The following PDCD7 variants were observed in gnomAD, a reference collection of about 807,000 sequenced individuals.
The protein encoded by PDCD7 is programmed cell death protein 7.
A neutral mutation model predicts 42.1 loss-of-function variants in PDCD7; 40 were observed. The observed-to-expected ratio is 0.95, with a 90% CI of 0.74 to 1.24. PDCD7 has a LOEUF of 1.24. Among genes scored for constraint, PDCD7 ranks in the 50% most tolerant of loss-of-function variants. The pLI, the probability that PDCD7 is intolerant of heterozygous loss-of-function variation, is 0.00. For synonymous variants in PDCD7, 299 were observed against 303.3 expected, an observed-to-expected ratio of 0.99 and a Z score of 0.15; for missense variants, 644 against 662.8, an observed-to-expected ratio of 0.97 and a Z score of 0.31.
chr15:65,125,101 C>A (rs2087485589), intron 2 of PDCD7, among the ~76,000 whole-genome samples: 1 of 152,186 alleles, frequency 6.6e-6, no homozygotes, highest in South Asian at 2.1e-4. Flanking sequence ...GACAGGAAAT[C>A]CCTCAAATAT....
intron 2 of PDCD7, among the ~76,000 whole-genome samples, chr15:65,120,253 G>A (rs1025118570): frequency 3.9e-5 from 6 of 152,036 alleles, no homozygotes; most frequent in East Asian, 3.9e-4. Flanking sequence ...TCCTGGGCCC[G>A]AGATCCTCCC....
Position 65,118,777 on chromosome 15 carries a change from T to A in PDCD7, c.1398A>T (p.Gly466=), listed in dbSNP as rs1486006857. ...DHPKGNFVPQ[G]WVLPPLPSND... is the part of the protein sequence containing the mutation. Reference sequence around the variant, plus strand: ...TGCTGGGGAGCGGGGGAAGGACCCATCCTTGGGGAACGAAGTTGCCTTTGG... The same window carrying A: ...TGCTGGGGAGCGGGGGAAGGACCCAACCTTGGGGAACGAAGTTGCCTTTGG... The change falls in exon 5 of 5, where the codon GGA becomes GGT. Residue 466 remains glycine, a synonymous_variant. Coordinates refer to ENST00000204549, the MANE Select transcript of PDCD7 (RefSeq NM_005707.2). 2.5e-6 allele frequency: 4 copies of A among 1,611,096 alleles called. No homozygotes were observed. Among genetic ancestry groups the A allele is most frequent in the African/African-American group, 1.3e-5 (1 of 74,766 alleles).
intron 2 of PDCD7, among the ~76,000 whole-genome samples, chr15:65,128,009 G>C (rs915691380): frequency 2.6e-5 from 4 of 152,200 alleles, no homozygotes; most frequent in Non-Finnish European, 1.5e-5. Flanking sequence ...CGCTCTGAAG[G>C]CTAGTATGCA....
chr15:65,133,745 C>A lies in PDCD7; in HGVS notation c.37G>T (p.Gly13Cys). The change falls in exon 1 of 5, where the codon GGC (glycine) becomes TGC (cysteine). Residue 13 changes from glycine to cysteine, a missense_variant. Coordinates refer to ENST00000204549, the MANE Select transcript of PDCD7 (RefSeq NM_005707.2). Reference protein sequence around the residue: ...LPPFFGQGRPGPPPPQPPPPA... With the variant: ...LPPFFGQGRPCPPPPQPPPPA... ...GGCGGCGGCTGCGGGGGCGGTGGGCCTGGGCGACCCTGGCCGAAGAATGGT... is the reference window on the plus strand; with the variant it reads ...GGCGGCGGCTGCGGGGGCGGTGGGCATGGGCGACCCTGGCCGAAGAATGGT... 1.5e-6 allele frequency: 2 copies of A among 1,321,628 alleles called. No homozygotes were observed. The highest frequency in any genetic ancestry group is 2.3e-5 in the South Asian group (1 of 43,058). The allele number at this position is 1,321,628 out of a possible 1,614,324, so 81.9% of individuals were successfully genotyped here. A position where few individuals can be genotyped will look rare whatever the true frequency, so the allele number is the denominator to read the frequency against.
At position 65,133,223 on chromosome 15, in the gene PDCD7, G is replaced by T. The variant is rs1185993719; in HGVS notation, c.559C>A (p.Arg187=). 1.4e-6 allele frequency: 2 copies of T among 1,379,874 alleles called. No homozygotes were observed. Among genetic ancestry groups the T allele is most frequent in the South Asian group, 3.4e-5 (2 of 59,582 alleles). 85.5% of individuals were successfully genotyped at this position (1,379,874 alleles called of 1,614,324 possible). A position where few individuals can be genotyped will look rare whatever the true frequency, so the allele number is the denominator to read the frequency against. Residue 187 remains arginine, a synonymous_variant, in exon 1 of 5, where the codon CGG becomes AGG. Transcript: ENST00000204549. The part of the protein sequence containing the change: ...RLLRALRLVR[R]LRGLSQALRE... ...AGGGCCTGGCTCAGGCCGCGCAGCC[G>T]CCGCACCAGGCGCAGAGCCCGGAGC...
At chr15:65,122,407 A>G (rs2087462760) in intron 2 of PDCD7, among the ~76,000 whole-genome samples, 1 of 152,138 alleles carries the variant, frequency 6.6e-6, no homozygotes, top group South Asian at 2.1e-4. Context: ...TCCCATTACC[A>G]TAATCAACCA....
intron 2 of PDCD7, among the ~76,000 whole-genome samples, chr15:65,126,100 A>T (rs2087493928): frequency 6.6e-6 from 1 of 152,236 alleles, no homozygotes; most frequent in South Asian, 2.1e-4. Flanking sequence ...CTACAATTCA[A>T]GATGAGATTT....
rs759386973 is a variant in PDCD7, at chr15:65,132,895, G to A, written c.870+17C>T. On this transcript the variant is annotated intron_variant, in intron 1 of 4. Coordinates refer to ENST00000204549, the MANE Select transcript of PDCD7 (RefSeq NM_005707.2). The stretch of plus-strand genomic sequence containing the variant: ...ACCACCACCACTCCTACCCCCATGA[G>A]CGGCCGCTGCTCTCACCCGCTTCTT... The A allele has an allele frequency of 8.7e-6, 14 of 1,600,992 alleles. No individual in the cohort carries two copies. Among genetic ancestry groups the A allele is most frequent in the Non-Finnish European group, 1.1e-5 (13 of 1,179,358 alleles).
chr15:65,126,858 C>G (rs990132774), intron 2 of PDCD7, among the ~76,000 whole-genome samples: 18 of 151,238 alleles, frequency 1.2e-4, no homozygotes, highest in Non-Finnish European at 2.4e-4. Flanking sequence ...TTCCTGTACT[C>G]TGAGTTCCTT....
chr15:65,133,039 C>T lies in PDCD7; in HGVS notation c.743G>A (p.Arg248Gln), dbSNP rs764928010. 2 of 1,594,042 alleles carry T rather than the reference C, an allele frequency of 1.3e-6. No homozygotes were observed. Residue 248 changes from arginine to glutamine, a missense_variant, in exon 1 of 5, where the codon CGG becomes CAG. Physicochemically the swap from Arg to Gln is conservative, Grantham distance 43. Coordinates refer to ENST00000204549, the MANE Select transcript of PDCD7 (RefSeq NM_005707.2). ...GCGTTCCCGGGCCCTCTCGCGAAGCCGCAGCCGGCGGCGCCGGACCCTCTC... is the reference window on the plus strand; with the variant it reads ...GCGTTCCCGGGCCCTCTCGCGAAGCTGCAGCCGGCGGCGCCGGACCCTCTC... The part of the protein sequence containing the change: ...RLERVRRRRL[R>Q]LRERAREREA...
chr15:65,125,947 G>A (rs1275430876), intron 2 of PDCD7, among the ~76,000 whole-genome samples: 1 of 152,154 alleles, frequency 6.6e-6, no homozygotes, highest in Non-Finnish European at 1.5e-5. Flanking sequence ...AGGTAAAGAG[G>A]GCGTGTGCAA....
At chr15:65,127,299 T>C (rs1054795952) in intron 2 of PDCD7, among the ~76,000 whole-genome samples, 1 of 151,630 alleles carries the variant, frequency 6.6e-6, no homozygotes, top group African/African-American at 2.4e-5. Flanking sequence ...CTACTAAAAA[T>C]ACAAAAAATT....
In PDCD7 at chr15:65,133,423, G is replaced by C. The variant is rs933929893; in HGVS notation, c.359C>G (p.Pro120Arg). 24 of 1,182,334 alleles carry C rather than the reference G, an allele frequency of 2.0e-5. No homozygotes were observed. Among genetic ancestry groups the C allele is most frequent in the Admixed American group, 9.2e-5 (2 of 21,830 alleles). The allele number at this position is 1,182,334 out of a possible 1,614,324, so 73.2% of individuals were successfully genotyped here. The change falls in exon 1 of 5, where the codon CCG (proline) becomes CGG (arginine). Residue 120 changes from proline (P) to arginine (R), a missense_variant. Pro to Arg is a moderately radical substitution (Grantham distance 103). Coordinates refer to ENST00000204549, the MANE Select transcript of PDCD7 (RefSeq NM_005707.2). ...PPPGPGPPWS[P>R]RWPEAPPPPA... is the part of the protein sequence containing the mutation. ...CGGCGGCGGCGCCTCAGGCCACCGCGGGCTCCAGGGCGGCCCCGGGCCGGG... is the reference window on the plus strand; with the variant it reads ...CGGCGGCGGCGCCTCAGGCCACCGCCGGCTCCAGGGCGGCCCCGGGCCGGG...
intron 4 of PDCD7, 51 bp from the exon 5 acceptor site, chr15:65,118,891 A>G (rs2087429259): frequency 7.2e-7 from 1 of 1,383,128 alleles, no homozygotes; most frequent in African/African-American, 1.5e-5. Flanking sequence ...TATTCCAAAT[A>G]AGATGTTCAG....
At chr15:65,131,067 C>T (rs2087536230) in intron 1 of PDCD7, among the ~76,000 whole-genome samples, 2 of 152,166 alleles carry the variant, frequency 1.3e-5, no homozygotes, top group African/African-American at 2.4e-5. Context: ...AACCAGATCA[C>T]ACAGCAAAAG....
Position 65,133,287 on chromosome 15 carries a change from C to T in PDCD7, c.495G>A (p.Thr165=). ...CTTCGCCAAGGCTGGGCCCGGCATG[C>T]GTGCGCTGGGGCACCGGACAGCCTG... The part of the protein sequence containing the change: ...RRAGCPVPQR[T]HAGPSLGEVR... The change falls in exon 1 of 5, where the codon ACG becomes ACA. Residue 165 remains threonine (T), a synonymous_variant. Transcript: ENST00000204549. The T allele has an allele frequency of 7.6e-7, 1 of 1,320,128 alleles. No individual in the cohort carries two copies. Among genetic ancestry groups the T allele is most frequent in the South Asian group, 2.2e-5 (1 of 46,092 alleles). 81.8% of individuals were successfully genotyped at this position (1,320,128 alleles called of 1,614,324 possible). A position where few individuals can be genotyped will look rare whatever the true frequency, so the allele number is the denominator to read the frequency against.
chr15:65,125,966 T>C (rs975017467), intron 2 of PDCD7, among the ~76,000 whole-genome samples: 3 of 152,200 alleles, frequency 2.0e-5, no homozygotes, highest in African/African-American at 7.2e-5. Context: ...AAGGAAACTC[T>C]CCTTTATAAA....
Position 65,118,096 on chromosome 15 carries a change from G to T in PDCD7, c.*621C>A, listed in dbSNP as rs1030621174. On this transcript the variant is annotated 3_prime_UTR_variant, in exon 5 of 5. Coordinates refer to ENST00000204549, the MANE Select transcript of PDCD7 (RefSeq NM_005707.2). ...TACAATCCAATTTGGGTACTCTTCAGGTTTTCTAAGTTCTCCATCTGAATA... is the reference window on the plus strand; with the variant it reads ...TACAATCCAATTTGGGTACTCTTCATGTTTTCTAAGTTCTCCATCTGAATA... 5.9e-5 allele frequency: 9 copies of T among 152,276 alleles called. No homozygotes were observed. Among genetic ancestry groups the T allele is most frequent in the African/African-American group, 2.2e-4 (9 of 41,558 alleles). 9.4% of individuals were successfully genotyped at this position (152,276 alleles called of 1,614,324 possible). A position where few individuals can be genotyped will look rare whatever the true frequency, so the allele number is the denominator to read the frequency against.
intron 1 of PDCD7, among the ~76,000 whole-genome samples, chr15:65,132,277 CA>C (rs2140588061): frequency 6.6e-6 from 1 of 151,302 alleles, no homozygotes; most frequent in Admixed American, 6.6e-5. Context: ...GTAGGGTCCC[CA>C]AGTTCTCTAT....
Sources: gnomAD v4.1 joint callset for allele counts (sites outside exome capture counted in the v4.1 genomes callset) on GRCh38, gnomAD v4.1.1 for gene constraint, MANE v1.5 for transcripts, NCBI Gene and HGNC (gene_info 2026-07-23, HGNC 2026-07-21) for gene names.